The following KCTD16 variants were observed in gnomAD, a reference collection of about 807,000 sequenced individuals.
KCTD16 encodes the protein potassium channel tetramerization domain containing 16, also known as BTB/POZ domain-containing protein KCTD16.
Under a neutral mutation model 33.2 loss-of-function variants are expected in KCTD16, and 13 were observed. The observed-to-expected ratio is 0.39, with a 90% CI of 0.25 to 0.62. The LOEUF (loss-of-function observed/expected upper bound fraction) is 0.62, where lower values mean the gene tolerates loss of function less well. Among genes scored for constraint, KCTD16 ranks in the 20% least tolerant of loss-of-function variants. KCTD16 has a pLI of 0.50. For missense variants in KCTD16, 441 were observed against 525.1 expected (o/e 0.84, Z 1.57); for synonymous variants, 197 against 195.3 (o/e 1.01, Z -0.07).
chr5:144,332,089 G>C (rs1176560894), intron 3 of KCTD16, among the ~76,000 whole-genome samples: 1 of 152,110 alleles, frequency 6.6e-6, no homozygotes, highest in Non-Finnish European at 1.5e-5. Context: ...TTCTCCCTCT[G>C]ATTCCTATCA....
intron 3 of KCTD16, among the ~76,000 whole-genome samples, chr5:144,342,284 C>T (rs933724892): frequency 6.6e-6 from 1 of 152,230 alleles, no homozygotes; most frequent in East Asian, 1.9e-4. Flanking sequence ...TTGAAGAGGT[C>T]CTTCACGTCC....
rs926734650 is a variant in KCTD16, at chr5:144,481,170, G to A, written c.*7056G>A. ...AATCTTTCAACAGCTAAATGTGTTT[G>A]TTGTGAAGCACTCTGGGATCCTTTT... On this transcript the variant is annotated 3_prime_UTR_variant, in exon 4 of 4. Coordinates refer to ENST00000512467, the MANE Select transcript of KCTD16 (RefSeq NM_020768.4). The A allele has an allele frequency of 6.6e-6, 1 of 151,912 alleles. No homozygotes were observed. The highest frequency in any genetic ancestry group is 2.4e-5 in the African/African-American group (1 of 41,410). 9.4% of individuals were successfully genotyped at this position (151,912 alleles called of 1,614,324 possible).
At chr5:144,348,654 A>G (rs1026164306) in intron 3 of KCTD16, among the ~76,000 whole-genome samples, 3 of 152,224 alleles carry the variant, frequency 2.0e-5, no homozygotes, top group Admixed American at 6.5e-5. Context: ...AGTTACAAAG[A>G]TATTGTATTC....
chr5:144,280,662 C>T (rs1450673188), intron 3 of KCTD16, among the ~76,000 whole-genome samples: 9 of 152,186 alleles, frequency 5.9e-5, no homozygotes, highest in South Asian at 2.1e-4. Context: ...CAGTGGCTCA[C>T]GCCTGTAATC....
Position 144,370,528 on chromosome 5 carries a change from A to G in KCTD16, c.833-103132A>G, listed in dbSNP as rs532726659. 1.1e-4 allele frequency among the ~76,000 whole-genome samples: 17 copies of G among 152,318 alleles called. No individual in the cohort carries two copies. In the East Asian group the frequency reaches 3.1e-3, roughly 28 times the overall value. On this transcript the variant is annotated intron_variant, in intron 3 of 3. Coordinates refer to ENST00000512467, the MANE Select transcript of KCTD16 (RefSeq NM_020768.4). ...TGTTGGTGCCAGAAGGGACCGGATCAACTTCATCATTTTACAGATGAGAAT... is the reference window on the plus strand; with the variant it reads ...TGTTGGTGCCAGAAGGGACCGGATCGACTTCATCATTTTACAGATGAGAAT...
intron 3 of KCTD16, among the ~76,000 whole-genome samples, chr5:144,282,657 G>C (rs751094295): frequency 4.6e-5 from 7 of 152,186 alleles, no homozygotes; most frequent in Admixed American, 1.3e-4. Context: ...GTTGAGTGGA[G>C]AGTAGAAAGC....
intron 2 of KCTD16, among the ~76,000 whole-genome samples, chr5:144,183,060 A>C (rs767328241): frequency 3.3e-5 from 5 of 152,118 alleles, no homozygotes; most frequent in Non-Finnish European, 7.4e-5. Context: ...AAAAAAAATA[A>C]AAGAGTGGGA....
intron 3 of KCTD16, among the ~76,000 whole-genome samples, chr5:144,294,680 G>A (rs1328299186): frequency 6.6e-6 from 1 of 152,174 alleles, no homozygotes; most frequent in Non-Finnish European, 1.5e-5. Flanking sequence ...TGGCAAAATA[G>A]CTCAGTTAGA....
chr5:144,299,148 ATTTTTTTTTT>A (rs369343270), intron 3 of KCTD16, among the ~76,000 whole-genome samples: 3 of 14,064 alleles, frequency 2.1e-4, no homozygotes, highest in Admixed American at 1.3e-3. Flanking sequence ...ATATATATAT[ATTTTTTTTTT>A]TTTTTTTAAC....
chr5:144,388,377 G>A (rs1208072267), intron 3 of KCTD16, among the ~76,000 whole-genome samples: 2 of 151,922 alleles, frequency 1.3e-5, no homozygotes, highest in African/African-American at 4.8e-5. Context: ...CACCGCGCCC[G>A]GCCTTAGAGC....
At chr5:144,331,211 T>C (rs1417329497) in intron 3 of KCTD16, among the ~76,000 whole-genome samples, 1 of 152,208 alleles carries the variant, frequency 6.6e-6, no homozygotes, top group African/African-American at 2.4e-5. Context: ...CATCAGTTAC[T>C]TGAGGCACTG....
chr5:144,362,913 G>A (rs1751748189), intron 3 of KCTD16, among the ~76,000 whole-genome samples: 1 of 152,152 alleles, frequency 6.6e-6, no homozygotes, highest in Admixed American at 6.5e-5. Context: ...AGAAGATGGT[G>A]TATGTAAAGT....
At chr5:144,200,873 A>G (rs921834158) in intron 2 of KCTD16, among the ~76,000 whole-genome samples, 6 of 152,166 alleles carry the variant, frequency 3.9e-5, no homozygotes, top group Admixed American at 3.9e-4. Flanking sequence ...AGTAGCTGGG[A>G]CTATAGGAAT....
At chr5:144,273,176 C>T (rs1255104592) in intron 3 of KCTD16, among the ~76,000 whole-genome samples, 1 of 151,996 alleles carries the variant, frequency 6.6e-6, no homozygotes, top group Non-Finnish European at 1.5e-5. Flanking sequence ...GACTAATTCT[C>T]TAAAGAGGAT....
intron 3 of KCTD16, among the ~76,000 whole-genome samples, chr5:144,388,306 C>T (rs975871320): frequency 6.6e-6 from 1 of 151,982 alleles, no homozygotes; most frequent in African/African-American, 2.4e-5. Context: ...TGGTCTCGAT[C>T]TACTGACCTC....
intron 3 of KCTD16, among the ~76,000 whole-genome samples, chr5:144,293,514 T>A (rs1040377404): frequency 6.6e-6 from 1 of 152,226 alleles, no homozygotes; most frequent in African/African-American, 2.4e-5. Context: ...ATGGCATTAC[T>A]CTCTCTGACC....
intron 2 of KCTD16, among the ~76,000 whole-genome samples, chr5:144,198,322 T>G (rs1242800540): frequency 1.3e-5 from 2 of 152,142 alleles, no homozygotes; most frequent in Non-Finnish European, 2.9e-5. Flanking sequence ...TGCTTGAGGG[T>G]ACCAAGAATG....
intron 3 of KCTD16, among the ~76,000 whole-genome samples, chr5:144,456,171 A>T (rs1754056420): frequency 6.7e-6 from 1 of 150,344 alleles, no homozygotes; most frequent in South Asian, 2.1e-4. Flanking sequence ...AATGTTCTTT[A>T]ATTCTTTATA....
At chr5:144,344,251 C>G (rs918828368) in intron 3 of KCTD16, among the ~76,000 whole-genome samples, 1 of 152,084 alleles carries the variant, frequency 6.6e-6, no homozygotes, top group Admixed American at 6.6e-5. Flanking sequence ...AAAACCGTAA[C>G]AATCCTAGAA....
Sources: gnomAD v4.1 joint callset for allele counts (sites outside exome capture counted in the v4.1 genomes callset) on GRCh38, gnomAD v4.1.1 for gene constraint, MANE v1.5 for transcripts, NCBI Gene and HGNC (gene_info 2026-07-23, HGNC 2026-07-21) for gene names.